Variants in DENND2B observed in about 807,000 individuals in gnomAD.
DENND2B encodes DENN domain-containing protein 2B.
DENND2B carries 32 observed loss-of-function variants against 116.0 expected under a neutral mutation model. That is an observed-to-expected ratio of 0.28 (90% CI 0.21 to 0.37). The LOEUF (loss-of-function observed/expected upper bound fraction) is 0.37, where lower values mean the gene tolerates loss of function less well. Ranked by LOEUF, DENND2B falls within the 10% of genes least tolerant of loss-of-function variation. The pLI is 1.00. For synonymous variants in DENND2B, 588 were observed against 583.9 expected (o/e 1.01, Z -0.10); for missense variants, 1,276 against 1,477.7 (o/e 0.86, Z 2.24).
intron 1 of DENND2B, chr11:8,784,133 A>G (rs1231673059): frequency 1.3e-5 from 2 of 151,990 alleles, no homozygotes; most frequent in Non-Finnish European, 2.9e-5. Flanking sequence ...AGAGGAGGAG[A>G]CTTTTCAGAT....
At chr11:8,881,600 A>G (rs576194044) in intron 1 of DENND2B, among the ~76,000 whole-genome samples, 30 of 152,238 alleles carry the variant, frequency 2.0e-4, no homozygotes, top group African/African-American at 6.7e-4. Context: ...TAGTGGCATG[A>G]TCTCGGCCCA....
chr11:8,849,003 C>G lies in DENND2B; in HGVS notation c.-156+8340G>C, dbSNP rs575267026. 9.9e-5 allele frequency among the ~76,000 whole-genome samples: 15 copies of G among 152,030 alleles called. No homozygotes were observed. In the South Asian group the frequency reaches 2.9e-3, roughly 29 times the overall value. On this transcript the variant is annotated intron_variant, in intron 3 of 6. Coordinates refer to the DENND2B transcript ENST00000524757. ...ACTGCCATTACTGCTGTTTTATTGCCTATATTCATAATAAAAAAGAAATAC... is the reference window on the plus strand; with the variant it reads ...ACTGCCATTACTGCTGTTTTATTGCGTATATTCATAATAAAAAAGAAATAC...
chr11:8,774,386 C>T, intron 1 of DENND2B: 1 of 930,534 alleles, frequency 1.1e-6, no homozygotes, highest in Non-Finnish European at 1.3e-6. Flanking sequence ...CTCCTTCCTG[C>T]TTTCCCTTCC....
intron 6 of DENND2B, 182 bp from the exon 7 acceptor site, chr11:8,714,888 G>C: frequency 1.7e-6 from 1 of 581,920 alleles, no homozygotes; most frequent in Non-Finnish European, 3.1e-6. Context: ...GCCATGCATG[G>C]TAGCTCTCCA....
intron 3 of DENND2B, among the ~76,000 whole-genome samples, chr11:8,856,614 G>A (rs1438806470): frequency 6.6e-6 from 1 of 152,132 alleles, no homozygotes; most frequent in Non-Finnish European, 1.5e-5. Context: ...TTGGTTGGAA[G>A]TCCCTGGATG....
At chr11:8,861,089 G>A (rs2063375640) in intron 2 of DENND2B, among the ~76,000 whole-genome samples, 1 of 152,058 alleles carries the variant, frequency 6.6e-6, no homozygotes, top group Non-Finnish European at 1.5e-5. Context: ...AATTCTAAAA[G>A]AAAACTTAGG....
intron 2 of DENND2B, among the ~76,000 whole-genome samples, chr11:8,749,110 C>T (rs1486604957): frequency 6.6e-6 from 1 of 152,164 alleles, no homozygotes; most frequent in African/African-American, 2.4e-5. Context: ...AGTTTTCAGC[C>T]CCATCTGCCA....
rs558281334 is a variant in DENND2B, at chr11:8,779,810, C to T, written c.-25-29085G>A. 5.6e-4 allele frequency among the ~76,000 whole-genome samples: 86 copies of T among 152,314 alleles called. 1 individual carries two copies. Among genetic ancestry groups the T allele is most frequent in the African/African-American group, 2.0e-3 (82 of 41,564 alleles). On this transcript the variant is annotated intron_variant, in intron 1 of 19. Coordinates refer to ENST00000313726, the MANE Select transcript of DENND2B (RefSeq NM_213618.2). ...GATTACAGGCGTGAGCCACCACGCCCGGCCAAGGTTTCCATTTTCTGTGCT... is the reference window on the plus strand; with the variant it reads ...GATTACAGGCGTGAGCCACCACGCCTGGCCAAGGTTTCCATTTTCTGTGCT...
At chr11:8,721,403 T>G (rs1176182614) in intron 4 of DENND2B, among the ~76,000 whole-genome samples, 5 of 152,080 alleles carry the variant, frequency 3.3e-5, no homozygotes, top group Admixed American at 6.5e-5. Flanking sequence ...GAAAGGGGTG[T>G]GTGTATACGC....
At chr11:8,800,957 C>G (rs1489549577) in intron 1 of DENND2B, among the ~76,000 whole-genome samples, 1 of 151,782 alleles carries the variant, frequency 6.6e-6, no homozygotes, top group East Asian at 1.9e-4. Flanking sequence ...ATCAGGCTAT[C>G]TCTTGGGAAG....
chr11:8,776,845 C>G (rs985921471), intron 1 of DENND2B, among the ~76,000 whole-genome samples: 1 of 152,110 alleles, frequency 6.6e-6, no homozygotes, highest in Non-Finnish European at 1.5e-5. Flanking sequence ...CTGCCCTAAG[C>G]CAGGGAACAG....
chr11:8,791,414 G>A (rs555811720), intron 1 of DENND2B, among the ~76,000 whole-genome samples: 1 of 152,244 alleles, frequency 6.6e-6, no homozygotes, highest in East Asian at 1.9e-4. Context: ...GAAGACTTGG[G>A]TGAAATTTTT....
chr11:8,719,107 A>G (rs2045666066), intron 4 of DENND2B: 1 of 985,442 alleles, frequency 1.0e-6, no homozygotes, highest in Non-Finnish European at 1.2e-6. Context: ...TACGCCCCAG[A>G]GGAACTCAGA....
intron 1 of DENND2B, among the ~76,000 whole-genome samples, chr11:8,779,944 T>C (rs532794925): frequency 2.0e-5 from 3 of 152,336 alleles, no homozygotes; most frequent in African/African-American, 7.2e-5. Context: ...GCTCCCACGG[T>C]AGGACAAGCT....
At chr11:8,776,157 C>CACA in intron 1 of DENND2B, 1 of 359,294 alleles carries the variant, frequency 2.8e-6, no homozygotes, top group Non-Finnish European at 5.5e-6. Flanking sequence ...CACGCGCGCG[C>CACA]GCGCACACAC....
At chr11:8,762,039 G>A (rs1465024914) in intron 1 of DENND2B, among the ~76,000 whole-genome samples, 3 of 152,018 alleles carry the variant, frequency 2.0e-5, no homozygotes, top group Admixed American at 6.6e-5. Flanking sequence ...CTCTGCTTCC[G>A]ATTCCACTAA....
intron 1 of DENND2B, among the ~76,000 whole-genome samples, chr11:8,752,132 G>A (rs1565847100): frequency 6.6e-6 from 1 of 152,136 alleles, no homozygotes; most frequent in African/African-American, 2.4e-5. Context: ...AATATGTAAG[G>A]TGATGGTAAG....
In DENND2B at chr11:8,714,685, T is replaced by C; in HGVS notation, c.1867A>G (p.Ile623Val). Residue 623 changes from isoleucine (I) to valine (V), a missense_variant, in exon 7 of 20, where the codon ATC (isoleucine) becomes GTC (valine). Physicochemically the swap from Ile to Val is conservative, Grantham distance 29. Transcript: ENST00000313726. ...TTCTTTCCTCTCTTGGCATTGTAGA[T>C]GGAGTTAATTCTTTGGACAAGCTGG... is the stretch of plus-strand genomic sequence containing the variant. ...IPKLVQRINS[I>V]YNAKRGKKRL... 1 of 1,614,196 alleles carries C rather than the reference T, an allele frequency of 6.2e-7. No homozygotes were observed. Among genetic ancestry groups the C allele is most frequent in the South Asian group, 1.1e-5 (1 of 91,082 alleles).
At chr11:8,739,347 G>A (rs1203841328) in intron 2 of DENND2B, among the ~76,000 whole-genome samples, 1 of 152,148 alleles carries the variant, frequency 6.6e-6, no homozygotes, top group African/African-American at 2.4e-5. Context: ...TTCTGGGTGT[G>A]CTCATGGGCA....
Sources: allele counts gnomAD v4.1 joint callset (sites outside exome capture counted in the v4.1 genomes callset), GRCh38; gene constraint gnomAD v4.1.1; transcripts MANE v1.5; gene names NCBI Gene and HGNC (gene_info 2026-07-23, HGNC 2026-07-21).